NSD3: variants seen among roughly 807,000 people sequenced by gnomAD.
NSD3 encodes the protein histone-lysine N-methyltransferase NSD3.
Under a neutral mutation model 160.8 loss-of-function variants are expected in NSD3, and 24 were observed. The observed-to-expected ratio is 0.15, with a 90% CI of 0.11 to 0.21. NSD3 has a LOEUF of 0.21. Ranked by LOEUF, NSD3 falls within the 10% of genes least tolerant of loss-of-function variation. NSD3 has a pLI of 1.00. For missense variants in NSD3, 1,157 were observed against 1,735.9 expected, an observed-to-expected ratio of 0.67 and a Z score of 5.93; for synonymous variants, 520 against 600.0, an observed-to-expected ratio of 0.87 and a Z score of 1.95.
chr8:38,278,057 G>A (rs943377057), intron 22 of NSD3, among the ~76,000 whole-genome samples: 4 of 151,704 alleles, frequency 2.6e-5, no homozygotes, highest in African/African-American at 9.7e-5. Context: ...TCCTGCCTCA[G>A]CCTCCCGAGT....
chr8:38,292,050 A>T (rs1416640781), intron 16 of NSD3, among the ~76,000 whole-genome samples: 1 of 151,890 alleles, frequency 6.6e-6, no homozygotes, highest in African/African-American at 2.4e-5. Context: ...GTGTTAAAAT[A>T]AATCAAAGAC....
intron 16 of NSD3, among the ~76,000 whole-genome samples, chr8:38,293,195 C>T (rs1809048549): frequency 1.3e-5 from 2 of 151,136 alleles, no homozygotes; most frequent in African/African-American, 2.4e-5. Flanking sequence ...TTCAATACCC[C>T]AGATCTCAGC....
chr8:38,366,348 C>A (rs1563369999), intron 1 of NSD3, among the ~76,000 whole-genome samples: 1 of 151,466 alleles, frequency 6.6e-6, no homozygotes, highest in Non-Finnish European at 1.5e-5. Context: ...AAACATCTAG[C>A]CCACAAAAAC....
At chr8:38,359,859 C>T (rs1356237368) in intron 1 of NSD3, among the ~76,000 whole-genome samples, 1 of 152,198 alleles carries the variant, frequency 6.6e-6, no homozygotes, top group East Asian at 1.9e-4. Flanking sequence ...CTCACTATTT[C>T]ATCCACAAAC....
chr8:38,318,960 C>T lies in NSD3; in HGVS notation c.1810-20G>A, dbSNP rs199753819. ...TTCAACCTGTTTGGACAGAAAAATA[C>T]AGCATTAACAAAGAATTTTTTTCCC... On this transcript the variant is annotated intron_variant, in intron 8 of 23. Transcript: ENST00000317025. The surrounding 1 kb of genome is among the most constrained non-coding windows in gnomAD (Gnocchi z 5.3). The T allele has an allele frequency of 4.0e-5, 63 of 1,593,680 alleles. No individual in the cohort carries two copies. The highest frequency in any genetic ancestry group is 4.5e-5 in the Non-Finnish European group (53 of 1,173,556).
Position 38,329,104 on chromosome 8 carries a change from T to C in NSD3, c.1581+274A>G, listed in dbSNP as rs1402865744. ...AGAAACAGGCAAAGTGCCCAGTTTTTTTCCATGACTTTAGGGAGCTAAGCT... is the reference window on the plus strand; with the variant it reads ...AGAAACAGGCAAAGTGCCCAGTTTTCTTCCATGACTTTAGGGAGCTAAGCT... On this transcript the variant is annotated intron_variant, in intron 6 of 23. Transcript: ENST00000317025. The surrounding 1 kb of genome is among the most constrained non-coding windows in gnomAD (Gnocchi z 4.8). 2.0e-5 allele frequency among the ~76,000 whole-genome samples: 3 copies of C among 152,216 alleles called. No homozygotes were observed. The highest frequency in any genetic ancestry group is 2.9e-5 in the Non-Finnish European group (2 of 68,024).
At chr8:38,293,817 G>A (rs1200770035) in intron 16 of NSD3, among the ~76,000 whole-genome samples, 1 of 149,444 alleles carries the variant, frequency 6.7e-6, no homozygotes, top group Non-Finnish European at 1.5e-5. Context: ...CAGCTACTTG[G>A]GAGGCTGAAG....
intron 17 of NSD3, among the ~76,000 whole-genome samples, chr8:38,290,006 A>G (rs1808963018): frequency 1.3e-5 from 2 of 152,190 alleles, no homozygotes; most frequent in Non-Finnish European, 2.9e-5. Context: ...GCTTGAACCC[A>G]GGAGTTCAAG....
chr8:38,357,339 G>A (rs1810850636), intron 1 of NSD3, among the ~76,000 whole-genome samples: 1 of 151,832 alleles, frequency 6.6e-6, no homozygotes, highest in African/African-American at 2.4e-5. Flanking sequence ...AAAAGGCCAA[G>A]CACTTAGACT....
chr8:38,363,139 A>G (rs1811024887), intron 1 of NSD3, among the ~76,000 whole-genome samples: 1 of 152,248 alleles, frequency 6.6e-6, no homozygotes, highest in Admixed American at 6.5e-5. Context: ...GCGTACTTCT[A>G]CATCTTGCTC....
Position 38,329,246 on chromosome 8 carries a change from C to A in NSD3, c.1581+132G>T. 8.9e-7 allele frequency: 1 copy of A among 1,124,680 alleles called. No individual in the cohort carries two copies. The highest frequency in any genetic ancestry group is 1.2e-6 in the Non-Finnish European group (1 of 801,890). 69.7% of individuals were successfully genotyped at this position (1,124,680 alleles called of 1,614,324 possible). ...GCCTGTCTTTTTTGCCCACAGAGTA[C>A]AATGACTGTATGTTTCAAATTCAGT... On this transcript the variant is annotated intron_variant, in intron 6 of 23. Transcript: ENST00000317025. This position sits in a 1 kb window ranked among gnomAD's most constrained non-coding sequence, Gnocchi z 4.8.
At chr8:38,297,427 G>A (rs1809177828) in intron 15 of NSD3, among the ~76,000 whole-genome samples, 1 of 152,070 alleles carries the variant, frequency 6.6e-6, no homozygotes, top group Non-Finnish European at 1.5e-5. Flanking sequence ...TCTTTTCATT[G>A]GAAAATCAGG....
At chr8:38,276,157 A>C in intron 23 of NSD3, 139 bp downstream of exon 23, 1 of 1,006,050 alleles carries the variant, frequency 9.9e-7, no homozygotes, top group Non-Finnish European at 1.5e-6. Context: ...GTGTAAGGGG[A>C]AAGATTTTTG....
chr8:38,346,476 C>T (rs1243427296), intron 2 of NSD3, among the ~76,000 whole-genome samples: 1 of 150,734 alleles, frequency 6.6e-6, no homozygotes, highest in Non-Finnish European at 1.5e-5. Context: ...TATAAGCATC[C>T]TGAGAGCAGG....
At chr8:38,284,712 C>T (rs952529360) in intron 19 of NSD3, among the ~76,000 whole-genome samples, 2 of 152,168 alleles carry the variant, frequency 1.3e-5, no homozygotes, top group Non-Finnish European at 2.9e-5. Flanking sequence ...TTAGTGGAAA[C>T]TCATAGAGGA....
chr8:38,325,689 T>C (rs539358334), intron 7 of NSD3, among the ~76,000 whole-genome samples: 152 of 149,016 alleles, frequency 1.0e-3, no homozygotes, highest in Non-Finnish European at 1.9e-3. Context: ...CTGGGCAACA[T>C]GGCAAAAAGT....
At chr8:38,295,705 C>T in intron 16 of NSD3, 91 bp downstream of exon 16, 3 of 1,239,516 alleles carry the variant, frequency 2.4e-6, no homozygotes, top group Non-Finnish European at 3.3e-6. Flanking sequence ...ATGCTGTCTA[C>T]CTATCTATCT....
intron 1 of NSD3, among the ~76,000 whole-genome samples, chr8:38,355,720 A>G (rs1810807724): frequency 1.3e-5 from 2 of 152,252 alleles, no homozygotes; most frequent in African/African-American, 4.8e-5. Context: ...TAAATCCCTG[A>G]TAAAGATAAT....
chr8:38,282,683 CA>C (rs889908476), intron 19 of NSD3, among the ~76,000 whole-genome samples: 4 of 150,758 alleles, frequency 2.7e-5, no homozygotes, highest in East Asian at 1.9e-4. Flanking sequence ...CTCAAAAAAC[CA>C]AAAAAACAAA....
Sources: allele counts gnomAD v4.1 joint callset (sites outside exome capture counted in the v4.1 genomes callset), GRCh38; gene constraint gnomAD v4.1.1; non-coding constraint Gnocchi (gnomAD v3.1); transcripts MANE v1.5; gene names NCBI Gene and HGNC (gene_info 2026-07-23, HGNC 2026-07-21).